The following ABCA7 variants were observed in gnomAD, a reference collection of about 807,000 sequenced individuals.
The protein encoded by ABCA7 is ATP binding cassette subfamily A member 7, also known as phospholipid-transporting ATPase ABCA7.
Under a neutral mutation model 227.6 loss-of-function variants are expected in ABCA7, and 261 were observed. That is an observed-to-expected ratio of 1.15 (90% CI 1.04 to 1.27). The LOEUF (loss-of-function observed/expected upper bound fraction) is 1.27. Among genes scored for constraint, ABCA7 ranks in the 50% most tolerant of loss-of-function variants. The pLI is 0.00. For missense variants in ABCA7, 3,331 were observed against 2,924.5 expected, an observed-to-expected ratio of 1.14 and a Z score of -3.21; for synonymous variants, 1,488 against 1,279.7, an observed-to-expected ratio of 1.16 and a Z score of -3.47.
At chr19:1,050,782 AAATAATAATAATAATAAT>A (rs145363837) in intron 18 of ABCA7, 121 bp from the exon 19 acceptor site, 176 of 358,008 alleles carry the variant, frequency 4.9e-4, no homozygotes, top group Middle Eastern at 1.1e-3. Flanking sequence ...TCCGTCTCAA[AAATAATAATAATAATAAT>A]AATAATAATA....
At chr19:1,055,865 C>T (rs767368995) in intron 30 of ABCA7, 42 bp from the exon 31 acceptor site, 38 of 1,534,998 alleles carry the variant, frequency 2.5e-5, no homozygotes, top group Middle Eastern at 3.5e-4. Flanking sequence ...CTCTCTGTCC[C>T]ACATCCCTGT....
chr19:1,059,244 T>C, intron 40 of ABCA7, 159 bp downstream of exon 40: 1 of 289,540 alleles, frequency 3.5e-6, no homozygotes, highest in Admixed American at 6.0e-5. Flanking sequence ...TATTTTATTA[T>C]ATTATTATTT....
At chr19:1,041,196 G>A (rs927154507) in intron 1 of ABCA7, 29 bp from the exon 2 acceptor site, 3 of 725,460 alleles carry the variant, frequency 4.1e-6, no homozygotes, top group African/African-American at 1.7e-5. Context: ...TCTTTATCGA[G>A]TGACTACTGT....
intron 45 of ABCA7, 44 bp downstream of exon 45, chr19:1,064,297 CA>C: frequency 6.6e-7 from 1 of 1,516,830 alleles, no homozygotes; most frequent in Middle Eastern, 1.8e-4. Flanking sequence ...TGAGGGTGGG[CA>C]CGTAGGTAGG....
At chr19:1,043,553 C>T in intron 9 of ABCA7, 80 bp downstream of exon 9, 1 of 1,604,944 alleles carries the variant, frequency 6.2e-7, no homozygotes, top group Non-Finnish European at 8.5e-7. Flanking sequence ...GGGCCAGGGC[C>T]AGGCCGGAGG....
chr19:1,062,540 G>T (rs956307948), intron 42 of ABCA7, among the ~76,000 whole-genome samples: 7 of 151,938 alleles, frequency 4.6e-5, no homozygotes, highest in African/African-American at 1.7e-4. Context: ...CATTCTCATT[G>T]GTCCACCCAC....
At position 1,055,057 on chromosome 19, in the gene ABCA7, C is replaced by A. The variant is rs370522890; in HGVS notation, c.3951-40C>A. On this transcript the variant is annotated intron_variant, in intron 29 of 46. Coordinates refer to ENST00000263094, the MANE Select transcript of ABCA7 (RefSeq NM_019112.4). ...GGTGCCCACAGACCTTCACCTTGACCCTGCAGCGCCCTTGAGTGTGCACAG... is the reference window on the plus strand; with the variant it reads ...GGTGCCCACAGACCTTCACCTTGACACTGCAGCGCCCTTGAGTGTGCACAG... The A allele has an allele frequency of 3.8e-6, 6 of 1,574,226 alleles. No individual in the cohort carries two copies. In the African/African-American group the frequency reaches 8.1e-5, roughly 21 times the overall value.
At chr19:1,061,167 C>T (rs149310205) in intron 40 of ABCA7, among the ~76,000 whole-genome samples, 5,730 of 152,022 alleles carry the variant, frequency 0.038, 357 homozygotes, top group African/African-American at 0.13. Context: ...GAGGCCAAGG[C>T]AGGAGGATCA....
In ABCA7 at chr19:1,052,394, G is replaced by A. The variant is rs563995220; in HGVS notation, c.3220+108G>A. 19 of 737,572 alleles carry A rather than the reference G, an allele frequency of 2.6e-5. No homozygotes were observed. The African/African-American group carries it at 5.0e-4, about 19-fold the overall frequency. The allele number at this position is 737,572 out of a possible 1,614,324, so 45.7% of individuals were successfully genotyped here. ...AAGAGGAGGAGGAGGGGGAGGAAGCGGCAGAGGAGGTTGAGGCGGAGGAGG... is the reference window on the plus strand; with the variant it reads ...AAGAGGAGGAGGAGGGGGAGGAAGCAGCAGAGGAGGTTGAGGCGGAGGAGG... On this transcript the variant is annotated intron_variant, in intron 23 of 46. Transcript: ENST00000263094.
rs1376998252 is a variant in ABCA7 at position 1,063,285 on chromosome 19, ACAC to A, written c.5713-258_5713-256del. On this transcript the variant is annotated intron_variant, in intron 42 of 46. Coordinates refer to ENST00000263094, the MANE Select transcript of ABCA7 (RefSeq NM_019112.4). Reference sequence around the variant, plus strand: ...CCCCATACTCATGCTGGCTCCACCCACACTATGGCCCTGCCCCACACCCATCCC... The same window carrying A: ...CCCCATACTCATGCTGGCTCCACCCATATGGCCCTGCCCCACACCCATCCC... Among the ~76,000 whole-genome samples, 51 of 56,338 alleles carry A rather than the reference ACAC, an allele frequency of 9.1e-4. 1 individual carries two copies. The highest frequency in any genetic ancestry group is 1.5e-3 in the Admixed American group (6 of 3,968). The allele number at this position is 56,338 out of a possible 152,430, so 37.0% of individuals were successfully genotyped here.
chr19:1,061,544 C>T (rs1438901332), intron 40 of ABCA7, among the ~76,000 whole-genome samples: 10 of 149,150 alleles, frequency 6.7e-5, no homozygotes, highest in Admixed American at 6.7e-4. Context: ...AAAAAAAATA[C>T]AAAAATTAGC....
chr19:1,045,328 T>G, intron 12 of ABCA7, 97 bp downstream of exon 12: 3 of 1,203,718 alleles, frequency 2.5e-6, no homozygotes, highest in Non-Finnish European at 3.5e-6. Flanking sequence ...GAGACCATGA[T>G]AGACAGGATC....
rs769871384 is a variant in ABCA7, at chr19:1,043,411, C to T, written c.868C>T (p.Leu290=). 1 of 1,613,446 alleles carries T rather than the reference C, an allele frequency of 6.2e-7. No individual in the cohort carries two copies. The highest frequency in any genetic ancestry group is 1.7e-5 in the Admixed American group (1 of 60,026). ...CCTGCTCTGGAGACGCCTGAAGCCT[C>T]TGATCCTCGGGAAGCTACTCTTTGC... is the stretch of plus-strand genomic sequence containing the variant. ...SRLLWRRLKP[L]ILGKLLFAPD... The change falls in exon 9 of 47, where the codon CTG becomes TTG. Residue 290 remains leucine, a synonymous_variant. Transcript: ENST00000263094.
At position 1,063,546 on chromosome 19, in the gene ABCA7, C is replaced by T. The variant is rs750505299; in HGVS notation, c.5715C>T (p.Thr1905=). ...CCTACTCTGGCCCCACCCCACAGAC[C>T]GCTGGCTCGGGCCTGGCGCGTCTGG... ...RGVPEAQVAQ[T]AGSGLARLGL... The change falls in exon 43 of 47, where the codon ACC becomes ACT. Residue 1905 remains threonine (T), a splice_region_variant and synonymous_variant. Coordinates refer to ENST00000263094, the MANE Select transcript of ABCA7 (RefSeq NM_019112.4). 3.7e-6 allele frequency: 6 copies of T among 1,610,262 alleles called. No individual in the cohort carries two copies. The East Asian group carries it at 1.1e-4, about 30-fold the overall frequency.
In ABCA7 at chr19:1,047,246, G is replaced by T; in HGVS notation, c.1935G>T (p.Leu645=). ...FAVATVTQSF[L]LSAFFSRANL... is the part of the protein sequence containing the mutation. ...TGGCCACGGTGACCCAGAGCTTCCT[G>T]CTCAGCGCCTTCTTCTCCCGCGCCA... The change falls in exon 15 of 47, where the codon CTG becomes CTT. Residue 645 remains leucine (L), a synonymous_variant. Transcript: ENST00000263094. 6.2e-7 allele frequency: 1 copy of T among 1,608,130 alleles called. No individual in the cohort carries two copies. Among genetic ancestry groups the T allele is most frequent in the Non-Finnish European group, 8.5e-7 (1 of 1,179,446 alleles).
At position 1,046,230 on chromosome 19, in the gene ABCA7, GTTT is replaced by G; in HGVS notation, c.1448_1450del (p.Phe483del). 1 of 1,606,716 alleles carries G rather than the reference GTTT, an allele frequency of 6.2e-7. No individual in the cohort carries two copies. Reference sequence around the variant, plus strand: ...ACCGGCCACCATGCCCCTCTCGCAGGTTTTGGGACCCTGGCCCAGCCGCGGACC... The same window carrying G: ...ACCGGCCACCATGCCCCTCTCGCAGGTGGGACCCTGGCCCAGCCGCGGACC... On this transcript the variant is annotated inframe_deletion and splice_region_variant, in exon 13 of 47. Transcript: ENST00000263094.
At chr19:1,049,178 G>T (rs2041101623) in intron 17 of ABCA7, 88 bp from the exon 18 acceptor site, 3 of 1,456,384 alleles carry the variant, frequency 2.1e-6, no homozygotes, top group Non-Finnish European at 1.9e-6. Flanking sequence ...GGCCCAGCAG[G>T]TCCCGGATTC....
At chr19:1,049,490 GCCCCCCCACCACTCCCTCCCCGTGA>G in intron 18 of ABCA7, 53 bp downstream of exon 18, 3 of 489,102 alleles carry the variant, frequency 6.1e-6, no homozygotes, top group South Asian at 4.1e-5. Context: ...CACCCCGTGA[GCCCCCCCACCACTCCCTCCCCGTGA>G]GCCCCCCACC....
chr19:1,055,930 A>G lies in ABCA7; in HGVS notation c.4229A>G (p.Asn1410Ser). The G allele has an allele frequency of 1.3e-6, 2 of 1,595,158 alleles. No individual in the cohort carries two copies. The highest frequency in any genetic ancestry group is 1.1e-5 in the South Asian group (1 of 88,272). The change falls in exon 31 of 47, where the codon AAT becomes AGT. Residue 1410 changes from asparagine to serine, a missense_variant. By Grantham distance (46) the Asn-to-Ser change is conservative. Coordinates refer to ENST00000263094, the MANE Select transcript of ABCA7 (RefSeq NM_019112.4). ...RQGLKTKKWV[N>S]EVRYGGFSLG... is the part of the protein sequence containing the mutation. ...AGCCTGAAGACTAAGAAGTGGGTGA[A>G]TGAGGTCAGGTGAGGAGGGGTCTAG...
Sources: allele counts gnomAD v4.1 joint callset (sites outside exome capture counted in the v4.1 genomes callset), GRCh38; gene constraint gnomAD v4.1.1; transcripts MANE v1.5; gene names NCBI Gene and HGNC (gene_info 2026-07-23, HGNC 2026-07-21).